Variants in C2orf80 observed in about 807,000 individuals in gnomAD.
The protein encoded by C2orf80 is uncharacterized protein C2orf80.
Under a neutral mutation model 30.2 loss-of-function variants are expected in C2orf80, and 28 were observed. The ratio of observed to expected loss-of-function variants is 0.93; its 90% CI spans 0.69 to 1.27. C2orf80 has a LOEUF of 1.27. C2orf80 is among the 50% of genes most tolerant of loss of function. The pLI, the probability that C2orf80 is intolerant of heterozygous loss-of-function variation, is 0.00. For synonymous variants in C2orf80, 80 were observed against 76.4 expected (o/e 1.05, Z -0.24); for missense variants, 220 against 231.0 (o/e 0.95, Z 0.31).
intron 6 of C2orf80, 26 bp downstream of exon 6, chr2:208,180,719 T>A: frequency 6.3e-7 from 1 of 1,580,372 alleles, no homozygotes; most frequent in Non-Finnish European, 8.7e-7. Context: ...AAATCCCTTC[T>A]ATTGACAATC....
chr2:208,177,146 TTATA>T (rs1187931411), intron 6 of C2orf80, among the ~76,000 whole-genome samples: 4 of 147,438 alleles, frequency 2.7e-5, no homozygotes, highest in Non-Finnish European at 6.0e-5. Context: ...TACATATATA[TTATA>T]TATAGTGTGT....
Position 208,176,938 on chromosome 2 carries a change from T to TCTATGTATACAG in C2orf80, c.366+3806_366+3807insCTGTATACATAG. 3.8e-5 allele frequency among the ~76,000 whole-genome samples: 2 copies of TCTATGTATACAG among 52,026 alleles called. 1 individual carries two copies. The highest frequency in any genetic ancestry group is 9.9e-4 in the South Asian group (2 of 2,022). 34.1% of individuals were successfully genotyped at this position (52,026 alleles called of 152,430 possible). On this transcript the variant is annotated intron_variant, in intron 6 of 8. Coordinates refer to ENST00000341287, the MANE Select transcript of C2orf80 (RefSeq NM_001099334.3). ...ACATATCTGTATACATATGTATACA[T>TCTATGTATACAG]ATCTGTATACATATCTGTATACATA...
chr2:208,185,350 A>G (rs961441290), intron 2 of C2orf80, among the ~76,000 whole-genome samples: 1 of 152,240 alleles, frequency 6.6e-6, no homozygotes, highest in African/African-American at 2.4e-5. Context: ...AAGGATTGAG[A>G]CACACTGTTT....
intron 6 of C2orf80, among the ~76,000 whole-genome samples, chr2:208,176,953 C>CAGATATGTATACATATGTATACATATA (rs1559340548): frequency 2.0e-4 from 1 of 5,120 alleles, no homozygotes; most frequent in African/African-American, 4.2e-4. Flanking sequence ...GTATACATAT[C>CAGATATGTATACATATGTATACATATA]TGTATACATA....
At chr2:208,172,183 A>G (rs541990825) in intron 6 of C2orf80, 108 bp from the exon 7 acceptor site, 6 of 865,980 alleles carry the variant, frequency 6.9e-6, no homozygotes, top group Admixed American at 1.8e-5. Flanking sequence ...CCTTGAGTCC[A>G]ATTGTTGAGT....
chr2:208,172,740 C>T (rs2105895378), intron 6 of C2orf80, among the ~76,000 whole-genome samples: 1 of 152,290 alleles, frequency 6.6e-6, no homozygotes, highest in East Asian at 1.9e-4. Flanking sequence ...GTTGAAGATG[C>T]TTATACCCAT....
intron 4 of C2orf80, among the ~76,000 whole-genome samples, chr2:208,182,412 T>A (rs1414493387): frequency 6.6e-6 from 1 of 152,156 alleles, no homozygotes; most frequent in African/African-American, 2.4e-5. Context: ...AGACAGAGCA[T>A]TCTTTATTTT....
chr2:208,184,897 T>C, intron 3 of C2orf80, 54 bp downstream of exon 3: 5 of 1,410,826 alleles, frequency 3.5e-6, no homozygotes, highest in Non-Finnish European at 5.0e-6. Flanking sequence ...TTTTTCTGTC[T>C]CTTTAATACA....
chr2:208,168,275 G>T (rs1169409870), intron 8 of C2orf80: 4 of 229,482 alleles, frequency 1.7e-5, no homozygotes, highest in African/African-American at 4.7e-5. Context: ...GTGAAGAAGA[G>T]GGAGTTCTTT....
At chr2:208,176,587 G>A (rs1257560327) in intron 6 of C2orf80, among the ~76,000 whole-genome samples, 1 of 152,176 alleles carries the variant, frequency 6.6e-6, no homozygotes, top group East Asian at 1.9e-4. Context: ...CATTCCCTGA[G>A]TAGCAGAACT....
Position 208,170,959 on chromosome 2 carries a change from G to T in C2orf80, c.559C>A (p.Gln187Lys), listed in dbSNP as rs374460918. The change falls in exon 8 of 9, where the codon CAG becomes AAG. Residue 187 changes from glutamine to lysine, a missense_variant. Gln to Lys is a moderately conservative substitution (Grantham distance 53, BLOSUM62 1). Transcript: ENST00000341287. ...CTCACACCTACTTTGTGCTTTGGCT[G>T]TGTGTCTGAAAACCTTTGTGATGAT... ...WKSSQRFSDTQPKHKVT is the reference protein window; with the variant it reads ...WKSSQRFSDTKPKHKVT 1.5e-4 allele frequency: 248 copies of T among 1,613,582 alleles called. No individual in the cohort carries two copies. Among genetic ancestry groups the T allele is most frequent in the Non-Finnish European group, 2.0e-4 (231 of 1,179,622 alleles).
At chr2:208,185,205 C>G (rs894257429) in intron 2 of C2orf80, among the ~76,000 whole-genome samples, 173 bp from the exon 3 acceptor site, 1 of 151,928 alleles carries the variant, frequency 6.6e-6, no homozygotes, top group Non-Finnish European at 1.5e-5. Flanking sequence ...TTCTACAATG[C>G]TGCAGTTTAA....
chr2:208,176,924 TACATATGTATACA>T (rs1559340282), intron 6 of C2orf80, among the ~76,000 whole-genome samples: 2 of 108,242 alleles, frequency 1.8e-5, no homozygotes, highest in African/African-American at 7.1e-5. Context: ...CATATCTGTA[TACATATGTATACA>T]TATCTGTATA....
In C2orf80 at chr2:208,186,931, C is replaced by T; in HGVS notation, c.41+15G>A. On this transcript the variant is annotated intron_variant, in intron 2 of 8. Transcript: ENST00000341287. ...CCAAGTGTCATAAATGAAAGTTATT[C>T]TCAGTCATACTTACAAGAGCTTTTT... is the stretch of plus-strand genomic sequence containing the variant. 1.2e-6 allele frequency: 2 copies of T among 1,610,704 alleles called. No individual in the cohort carries two copies. The highest frequency in any genetic ancestry group is 8.5e-7 in the Non-Finnish European group (1 of 1,176,852).
At chr2:208,177,138 CAT>C (rs905293904) in intron 6 of C2orf80, among the ~76,000 whole-genome samples, 5 of 145,776 alleles carry the variant, frequency 3.4e-5, no homozygotes, top group Non-Finnish European at 7.5e-5. Context: ...TATATACATA[CAT>C]ATATATTATA....
At chr2:208,184,210 G>A (rs1397134188) in intron 3 of C2orf80, among the ~76,000 whole-genome samples, 1 of 151,282 alleles carries the variant, frequency 6.6e-6, no homozygotes, top group Non-Finnish European at 1.5e-5. Context: ...TTCACCTCCT[G>A]AATCAAAACA....
chr2:208,174,963 G>C (rs544187375), intron 6 of C2orf80, among the ~76,000 whole-genome samples: 1 of 152,114 alleles, frequency 6.6e-6, no homozygotes, highest in African/African-American at 2.4e-5. Context: ...GAAGATTTAT[G>C]TTCTCTTTTC....
chr2:208,187,544 T>C (rs890213798), intron 1 of C2orf80, among the ~76,000 whole-genome samples: 1 of 152,138 alleles, frequency 6.6e-6, no homozygotes, highest in Non-Finnish European at 1.5e-5. Flanking sequence ...ATGGGAAATA[T>C]GTCTTCAATT....
Position 208,187,040 on chromosome 2 carries a change from C to T in C2orf80, c.-54G>A, listed in dbSNP as rs1336500898. 6.4e-7 allele frequency: 1 copy of T among 1,551,038 alleles called. No homozygotes were observed. The highest frequency in any genetic ancestry group is 1.7e-5 in the Admixed American group (1 of 59,738). ...TCTGCAGCTAACACTACACTTAGAC[C>T]CAGCTTCTCTGAGTCTAGAGGCTAC... On this transcript the variant is annotated 5_prime_UTR_variant, in exon 2 of 9. Transcript: ENST00000341287.
Sources: gnomAD v4.1 joint callset for allele counts (sites outside exome capture counted in the v4.1 genomes callset) on GRCh38, gnomAD v4.1.1 for gene constraint, MANE v1.5 for transcripts, NCBI Gene and HGNC (gene_info 2026-07-23, HGNC 2026-07-21) for gene names.